DRC9: variants seen among roughly 807,000 people sequenced by gnomAD.
DRC9 encodes dynein regulatory complex subunit 9, also known as dynein regulatory complex protein 9.
At chr3:197,890,123 G>T in the DRC9 span, among the ~76,000 whole-genome samples, 1 of 152,146 alleles carries the variant, frequency 6.6e-6, no homozygotes, top group Non-Finnish European at 1.5e-5. Flanking sequence ...TGCCAGGTGC[G>T]GTGGCTCATG....
At chr3:197,889,547 G>C in the DRC9 span, 1 of 1,613,656 alleles carries the variant, frequency 6.2e-7, no homozygotes, top group Non-Finnish European at 8.5e-7. Context: ...CCCACCTCCA[G>C]AATACCAGCA....
At chr3:197,920,434 A>T in the DRC9 span, among the ~76,000 whole-genome samples, 1 of 150,956 alleles carries the variant, frequency 6.6e-6, no homozygotes, top group East Asian at 2.0e-4. Flanking sequence ...AATTAAAAAA[A>T]AAAAAAAAAA....
chr3:197,904,106 ATATATTTT>A, the DRC9 span, among the ~76,000 whole-genome samples: 19 of 26,086 alleles, frequency 7.3e-4, no homozygotes, highest in African/African-American at 1.2e-3. Context: ...ATATATATAT[ATATATTTT>A]TTTTTTTAAA....
the DRC9 span, chr3:197,950,166 A>G: frequency 1.6e-6 from 2 of 1,231,652 alleles, no homozygotes; most frequent in Non-Finnish European, 2.0e-6. Flanking sequence ...TTAATCCCAC[A>G]AGGCCACGCG....
At chr3:197,930,870 C>T in the DRC9 span, among the ~76,000 whole-genome samples, 13 of 151,418 alleles carry the variant, frequency 8.6e-5, no homozygotes, top group Admixed American at 5.9e-4. Context: ...ACTGTCTCTA[C>T]TAAAAATACA....
the DRC9 span, among the ~76,000 whole-genome samples, chr3:197,947,478 C>A: frequency 6.6e-6 from 1 of 152,332 alleles, no homozygotes; most frequent in African/African-American, 2.4e-5. Context: ...GCTCTCTGGG[C>A]TCCAGCCACA....
At chr3:197,953,918 T>C in the DRC9 span, 2 of 1,411,510 alleles carry the variant, frequency 1.4e-6, no homozygotes, top group Non-Finnish European at 2.0e-6. Context: ...TAACCAGGGT[T>C]GAGAGCCACT....
chr3:197,953,868 G>C, the DRC9 span: 1 of 786,316 alleles, frequency 1.3e-6, no homozygotes. Context: ...TGAATGAATG[G>C]TGTTCTAGGC....
At chr3:197,932,165 G>T in the DRC9 span, 4 of 1,609,254 alleles carry the variant, frequency 2.5e-6, no homozygotes, top group South Asian at 2.2e-5. Context: ...AACCTAACAT[G>T]ACTCTGACCT....
chr3:197,920,902 A>G, the DRC9 span, among the ~76,000 whole-genome samples: 1 of 152,182 alleles, frequency 6.6e-6, no homozygotes, highest in Non-Finnish European at 1.5e-5. Context: ...CTAAGCTACC[A>G]CCAACACTTT....
the DRC9 span, chr3:197,938,800 T>C: frequency 6.5e-7 from 1 of 1,550,282 alleles, no homozygotes; most frequent in Admixed American, 1.7e-5. Flanking sequence ...CAATAAACAA[T>C]TAGAAAGAAT....
At chr3:197,951,642 C>T in the DRC9 span, 70 of 324,136 alleles carry the variant, frequency 2.2e-4, no homozygotes, top group African/African-American at 1.2e-3. Flanking sequence ...CTTGAGCCAC[C>T]GCGCCTGGCC....
At chr3:197,890,608 T>C in the DRC9 span, among the ~76,000 whole-genome samples, 6 of 152,190 alleles carry the variant, frequency 3.9e-5, no homozygotes, top group Admixed American at 3.3e-4. Context: ...GACTAAACCC[T>C]AAAGACTGGA....
At chr3:197,916,051 T>C in the DRC9 span, 1 of 152,340 alleles carries the variant, frequency 6.6e-6, no homozygotes, top group African/African-American at 2.4e-5. Context: ...AGTGGCTCGA[T>C]CACAGCTCAC....
At chr3:197,950,389 T>C in the DRC9 span, 1 of 1,157,202 alleles carries the variant, frequency 8.6e-7, no homozygotes, top group Non-Finnish European at 1.1e-6. Context: ...CTGATGGTGT[T>C]TGGTCCCCTG....
At chr3:197,891,610 G>T in the DRC9 span, 2 of 803,034 alleles carry the variant, frequency 2.5e-6, no homozygotes, top group Non-Finnish European at 4.0e-6. Flanking sequence ...AGCCCAGCCA[G>T]CCCTGCACTT....
the DRC9 span, among the ~76,000 whole-genome samples, chr3:197,931,905 G>C: frequency 6.6e-6 from 1 of 152,234 alleles, no homozygotes; most frequent in South Asian, 2.1e-4. Flanking sequence ...GATTACAAGC[G>C]TGAGCCACCG....
At chr3:197,931,093 A>G in the DRC9 span, among the ~76,000 whole-genome samples, 2 of 152,124 alleles carry the variant, frequency 1.3e-5, no homozygotes, top group African/African-American at 4.8e-5. Context: ...AGTTAAGGAA[A>G]TCTCTCTAAG....
chr3:197,898,132 A>T, the DRC9 span, among the ~76,000 whole-genome samples: 1 of 152,154 alleles, frequency 6.6e-6, no homozygotes, highest in Non-Finnish European at 1.5e-5. Flanking sequence ...AGACAGTAAG[A>T]ATAGAACCTC....
Sources: gnomAD v4.1 joint callset for allele counts (sites outside exome capture counted in the v4.1 genomes callset) on GRCh38, gnomAD v4.1.1 for gene constraint, MANE v1.5 for transcripts, NCBI Gene and HGNC (gene_info 2026-07-23, HGNC 2026-07-21) for gene names.